The following GRAMD2B variants were observed in gnomAD, a reference collection of about 807,000 sequenced individuals.
GRAMD2B encodes the protein GRAM domain containing 2B.
In GRAMD2B, 41 loss-of-function variants were observed where a neutral mutation model predicts 59.2. That is an observed-to-expected ratio of 0.69 (90% CI 0.54 to 0.90). GRAMD2B has a LOEUF of 0.90. GRAMD2B is among the 40% of genes least tolerant of loss of function. GRAMD2B has a pLI of 0.00. For missense variants in GRAMD2B, 424 were observed against 500.5 expected (o/e 0.85, Z 1.46); for synonymous variants, 161 against 182.7 (o/e 0.88, Z 0.96).
At chr5:126,362,474 G>A (rs1255245196) in intron 1 of GRAMD2B, among the ~76,000 whole-genome samples, 1 of 152,120 alleles carries the variant, frequency 6.6e-6, no homozygotes, top group Non-Finnish European at 1.5e-5. Context: ...ACAAACAGGT[G>A]AAGTAAACAA....
At position 126,493,674 on chromosome 5, in the gene GRAMD2B, A is replaced by T. The variant is rs1774302385; in HGVS notation, c.*718A>T. The T allele has an allele frequency of 6.6e-6, 1 of 152,260 alleles. No individual in the cohort carries two copies. Among genetic ancestry groups the T allele is most frequent in the Non-Finnish European group, 1.5e-5 (1 of 68,044 alleles). The allele number at this position is 152,260 out of a possible 1,614,324, so 9.4% of individuals were successfully genotyped here. A position where few individuals can be genotyped will look rare whatever the true frequency, so the allele number is the denominator to read the frequency against. ...AAGAATCTGTGAGGCATGTGACTGA[A>T]GTACTAAATTAAACTTATTTTGAAA... On this transcript the variant is annotated 3_prime_UTR_variant, in exon 14 of 14. Transcript: ENST00000285689.
upstream of GRAMD2B, among the ~76,000 whole-genome samples, chr5:126,370,475 A>C (rs1255214471): frequency 6.6e-6 from 1 of 152,234 alleles, no homozygotes; most frequent in Non-Finnish European, 1.5e-5. Flanking sequence ...TGTGGAACAA[A>C]TCTTTCACTG....
At position 126,443,417 on chromosome 5, in the gene GRAMD2B, T is replaced by G. The variant is rs79292259; in HGVS notation, c.83+19728T>G. On this transcript the variant is annotated intron_variant, in intron 1 of 13. Transcript: ENST00000285689. ...GCCTTATTTATATTCTCACTTCTAG[T>G]TTTAGTAAGTGTTGTTTCAGTCTGT... is the stretch of plus-strand genomic sequence containing the variant. Among the ~76,000 whole-genome samples the G allele has an allele frequency of 5.5e-3, 843 of 152,260 alleles. 11 individuals are homozygous for G. Among genetic ancestry groups the G allele is most frequent in the African/African-American group, 0.019 (807 of 41,540 alleles).
chr5:126,379,974 C>A (rs556574627), intron 1 of GRAMD2B, among the ~76,000 whole-genome samples: 4 of 152,184 alleles, frequency 2.6e-5, no homozygotes, highest in African/African-American at 7.2e-5. Flanking sequence ...AGTCATGAAG[C>A]CTTTGCCTAA....
intron 1 of GRAMD2B, among the ~76,000 whole-genome samples, chr5:126,423,890 C>G (rs1760113750): frequency 6.6e-6 from 1 of 152,188 alleles, no homozygotes; most frequent in South Asian, 2.1e-4. Context: ...ATTGAAAAGT[C>G]TACTGTAGGA....
chr5:126,419,316 G>A (rs1357571711), upstream of GRAMD2B, among the ~76,000 whole-genome samples: 1 of 151,926 alleles, frequency 6.6e-6, no homozygotes, highest in Non-Finnish European at 1.5e-5. Context: ...CGAGAGAGAG[G>A]TGAGAGAGAG....
intron 1 of GRAMD2B, among the ~76,000 whole-genome samples, chr5:126,371,883 G>C (rs1298330565): frequency 2.0e-5 from 3 of 152,132 alleles, no homozygotes; most frequent in Non-Finnish European, 1.5e-5. Flanking sequence ...AGGTTCATAA[G>C]AAGTGAAAAC....
chr5:126,404,349 A>G (rs528712586), intron 1 of GRAMD2B, among the ~76,000 whole-genome samples: 1 of 152,052 alleles, frequency 6.6e-6, no homozygotes, highest in African/African-American at 2.4e-5. Context: ...GCTGTGTGTA[A>G]AAAGCACATA....
chr5:126,398,561 C>T (rs1757565053), intron 1 of GRAMD2B, among the ~76,000 whole-genome samples: 1 of 151,962 alleles, frequency 6.6e-6, no homozygotes, highest in Admixed American at 6.6e-5. Context: ...AAAAAACCAA[C>T]TCTTAGTTTC....
intron 1 of GRAMD2B, among the ~76,000 whole-genome samples, chr5:126,439,933 T>A (rs544144569): frequency 2.6e-5 from 4 of 152,190 alleles, no homozygotes; most frequent in Admixed American, 1.3e-4. Flanking sequence ...TCTGCCACCA[T>A]GTAAGACGTG....
intron 1 of GRAMD2B, among the ~76,000 whole-genome samples, chr5:126,415,721 C>T (rs1310653893): frequency 6.6e-6 from 1 of 152,024 alleles, no homozygotes; most frequent in Non-Finnish European, 1.5e-5. Context: ...CTTGTTTCAA[C>T]TTACTAGTTT....
intron 1 of GRAMD2B, among the ~76,000 whole-genome samples, chr5:126,462,040 C>T (rs1490718536): frequency 6.6e-6 from 1 of 152,134 alleles, no homozygotes; most frequent in East Asian, 1.9e-4. Flanking sequence ...CTTACACCTG[C>T]CAGCTCACTT....
chr5:126,385,796 G>A (rs1052887047), intron 1 of GRAMD2B, among the ~76,000 whole-genome samples: 1 of 152,198 alleles, frequency 6.6e-6, no homozygotes, highest in South Asian at 2.1e-4. Context: ...GGGAGCAATG[G>A]GGGGTGCAAC....
At chr5:126,376,280 G>A (rs1755176651) in intron 1 of GRAMD2B, among the ~76,000 whole-genome samples, 1 of 152,152 alleles carries the variant, frequency 6.6e-6, no homozygotes, top group Admixed American at 6.5e-5. Context: ...AGAACTAATC[G>A]GAAATGTTAG....
intron 1 of GRAMD2B, among the ~76,000 whole-genome samples, chr5:126,443,592 T>C (rs899308279): frequency 6.6e-6 from 1 of 152,230 alleles, no homozygotes; most frequent in African/African-American, 2.4e-5. Flanking sequence ...CCAGTCACCT[T>C]CTGCTCTCCC....
chr5:126,418,242 G>T (rs990004152), intron 1 of GRAMD2B, among the ~76,000 whole-genome samples: 2 of 152,072 alleles, frequency 1.3e-5, no homozygotes, highest in African/African-American at 4.8e-5. Flanking sequence ...TTCACACATC[G>T]TGATCTGTAA....
At chr5:126,386,542 G>C (rs1394268870) in intron 1 of GRAMD2B, among the ~76,000 whole-genome samples, 1 of 152,184 alleles carries the variant, frequency 6.6e-6, no homozygotes, top group African/African-American at 2.4e-5. Flanking sequence ...GACAATCCAA[G>C]GCTGAGAATA....
chr5:126,490,346 C>T (rs1182611749), intron 13 of GRAMD2B: 3 of 73,762 alleles, frequency 4.1e-5, no homozygotes, highest in African/African-American at 1.4e-4. Flanking sequence ...TTCCCACTCT[C>T]CCGCTGGGCC....
At chr5:126,431,200 C>T (rs1337783781) in intron 1 of GRAMD2B, among the ~76,000 whole-genome samples, 1 of 151,754 alleles carries the variant, frequency 6.6e-6, no homozygotes, top group Non-Finnish European at 1.5e-5. Context: ...TTAGACTATC[C>T]AACTTTAGCC....
Sources: gnomAD v4.1 joint callset for allele counts (sites outside exome capture counted in the v4.1 genomes callset) on GRCh38, gnomAD v4.1.1 for gene constraint, MANE v1.5 for transcripts, NCBI Gene and HGNC (gene_info 2026-07-23, HGNC 2026-07-21) for gene names.